WWTR1: variants seen among roughly 807,000 people sequenced by gnomAD.
WWTR1 encodes WW domain-containing transcription regulator protein 1.
Under a neutral mutation model 40.1 loss-of-function variants are expected in WWTR1, and 13 were observed. That is an observed-to-expected ratio of 0.32 (90% CI 0.21 to 0.52). WWTR1 has a LOEUF of 0.52. Among genes scored for constraint, WWTR1 ranks in the 20% least tolerant of loss-of-function variants. The pLI, the probability that WWTR1 is intolerant of heterozygous loss-of-function variation, is 0.97. For missense variants in WWTR1, 436 were observed against 523.1 expected, an observed-to-expected ratio of 0.83 and a Z score of 1.63; for synonymous variants, 230 against 210.1, an observed-to-expected ratio of 1.09 and a Z score of -0.82.
intron 1 of WWTR1, chr3:149,702,356 G>A (rs1490562623): frequency 1.3e-5 from 2 of 152,080 alleles, no homozygotes; most frequent in African/African-American, 4.8e-5. Context: ...CTGGCTCAAT[G>A]CAGAGATTCT....
chr3:149,526,568 G>A (rs1735325408), intron 5 of WWTR1, among the ~76,000 whole-genome samples: 1 of 152,130 alleles, frequency 6.6e-6, no homozygotes, highest in African/African-American at 2.4e-5. Context: ...TTTCAGTGGT[G>A]GGGGGATGGC....
At chr3:149,594,612 C>A (rs973158850) in intron 2 of WWTR1, among the ~76,000 whole-genome samples, 2 of 151,844 alleles carry the variant, frequency 1.3e-5, no homozygotes, top group African/African-American at 4.8e-5. Flanking sequence ...GAAAAACAAA[C>A]AAAATGGTCA....
chr3:149,672,161 A>C (rs991190490), intron 1 of WWTR1, among the ~76,000 whole-genome samples: 1 of 152,206 alleles, frequency 6.6e-6, no homozygotes, highest in African/African-American at 2.4e-5. Context: ...AAACAAAAAA[A>C]CAACCAGTAG....
intron 2 of WWTR1, among the ~76,000 whole-genome samples, chr3:149,577,444 G>A (rs1218253418): frequency 6.6e-6 from 1 of 152,184 alleles, no homozygotes; most frequent in Non-Finnish European, 1.5e-5. Context: ...ATAAGCGGGA[G>A]TGGGCTTTTT....
chr3:149,677,315 T>G (rs905554785), intron 1 of WWTR1, among the ~76,000 whole-genome samples: 2 of 152,164 alleles, frequency 1.3e-5, no homozygotes, highest in African/African-American at 2.4e-5. Flanking sequence ...CCAAATACAT[T>G]TATGAAAGAA....
In WWTR1 at chr3:149,594,520, G is replaced by GA. The variant is rs1738884191; in HGVS notation, c.432-21521dup. On this transcript the variant is annotated intron_variant, in intron 2 of 6. Coordinates refer to ENST00000360632, the MANE Select transcript of WWTR1 (RefSeq NM_015472.6). ...AAAATCATTTATGCTGTATTTTTGT[G>GA]AAAAATTTTAACCTAATTTAATCAT... Among the ~76,000 whole-genome samples, 4 of 152,236 alleles carry GA rather than the reference G, an allele frequency of 2.6e-5. No individual in the cohort carries two copies. In the South Asian group the frequency reaches 6.2e-4, roughly 24 times the overall value.
At chr3:149,580,052 T>A (rs1001377869) in intron 2 of WWTR1, among the ~76,000 whole-genome samples, 20 of 152,218 alleles carry the variant, frequency 1.3e-4, no homozygotes, top group Admixed American at 1.3e-3. Context: ...TATTAAACTT[T>A]TAAAATTTTC....
At chr3:149,628,279 A>C (rs529093895) in intron 2 of WWTR1, among the ~76,000 whole-genome samples, 1 of 152,310 alleles carries the variant, frequency 6.6e-6, no homozygotes, top group East Asian at 1.9e-4. Flanking sequence ...CTGAGGCAGG[A>C]GAATGGTGTG....
intron 2 of WWTR1, 70 bp from the exon 3 acceptor site, chr3:149,573,070 A>T: frequency 7.0e-7 from 1 of 1,433,220 alleles, no homozygotes. Context: ...CAACAACAGC[A>T]TAATAGTTAA....
exon 4 of WWTR1, chr3:149,724,119 G>A (rs1265242878): frequency 3.3e-5 from 5 of 152,152 alleles, no homozygotes; most frequent in Admixed American, 3.3e-4. Flanking sequence ...ATCTAGGTGG[G>A]AAGATAGGTT....
At chr3:149,616,753 CTT>C (rs1200499539) in intron 2 of WWTR1, among the ~76,000 whole-genome samples, 1 of 152,088 alleles carries the variant, frequency 6.6e-6, no homozygotes, top group Admixed American at 6.6e-5. Flanking sequence ...GCTGTCCTCT[CTT>C]TTAATAAATT....
Position 149,674,734 on chromosome 3 carries a change from A to G in WWTR1, c.-107-4843T>C, listed in dbSNP as rs79039137. ...ATTGTTCTTTTAGGGAGATTTCTGT[A>G]TACTGTTCCTTTGGTTAAGCAAAAG... On this transcript the variant is annotated intron_variant, in intron 1 of 7. Coordinates refer to the WWTR1 transcript ENST00000465804. Among the ~76,000 whole-genome samples, 19 of 152,288 alleles carry G rather than the reference A, an allele frequency of 1.2e-4. No homozygotes were observed. In the East Asian group the frequency reaches 3.7e-3, roughly 29 times the overall value.
intron 2 of WWTR1, among the ~76,000 whole-genome samples, chr3:149,605,362 T>C (rs545973417): frequency 6.7e-6 from 1 of 148,172 alleles, no homozygotes; most frequent in East Asian, 1.9e-4. Context: ...CTTTCTAGTG[T>C]AGTGACCTAC....
At chr3:149,713,892 C>T (rs898956699) in intron 5 of WWTR1, among the ~76,000 whole-genome samples, 1 of 152,174 alleles carries the variant, frequency 6.6e-6, no homozygotes, top group Non-Finnish European at 1.5e-5. Context: ...GGGACTTGAT[C>T]CCAGGCCCAG....
At chr3:149,721,307 A>G (rs1017286238) in intron 4 of WWTR1, among the ~76,000 whole-genome samples, 2 of 152,310 alleles carry the variant, frequency 1.3e-5, no homozygotes, top group Non-Finnish European at 2.9e-5. Flanking sequence ...CATTTTTACC[A>G]TGAAAGGATG....
intron 1 of WWTR1, among the ~76,000 whole-genome samples, chr3:149,677,468 T>C (rs1477441665): frequency 6.6e-6 from 1 of 152,172 alleles, no homozygotes; most frequent in Non-Finnish European, 1.5e-5. Context: ...TTTCATACAC[T>C]GACAAGCTCC....
At chr3:149,614,260 C>T (rs115259754) in intron 2 of WWTR1, among the ~76,000 whole-genome samples, 53 of 152,234 alleles carry the variant, frequency 3.5e-4, no homozygotes, top group Middle Eastern at 6.8e-3. Flanking sequence ...CTGGCAACAT[C>T]GTAGCTGTGG....
intron 2 of WWTR1, among the ~76,000 whole-genome samples, chr3:149,595,567 G>A (rs1460546218): frequency 6.6e-6 from 1 of 151,678 alleles, no homozygotes; most frequent in African/African-American, 2.4e-5. Context: ...CTAGGCAAGG[G>A]GTATATGGTG....
intron 3 of WWTR1, among the ~76,000 whole-genome samples, chr3:149,551,602 T>C (rs1439026144): frequency 6.9e-6 from 1 of 145,780 alleles, no homozygotes; most frequent in African/African-American, 2.6e-5. Flanking sequence ...TCTTCTTCTC[T>C]GTCACAGAGG....
Sources: allele counts gnomAD v4.1 joint callset (sites outside exome capture counted in the v4.1 genomes callset), GRCh38; gene constraint gnomAD v4.1.1; transcripts MANE v1.5; gene names NCBI Gene and HGNC (gene_info 2026-07-23, HGNC 2026-07-21).